The following P3H2 variants were observed in gnomAD, a reference collection of about 807,000 sequenced individuals.
P3H2 encodes the protein prolyl 3-hydroxylase 2, also known as leprecan-like 1.
A neutral mutation model predicts 87.0 loss-of-function variants in P3H2; 80 were observed. That is an observed-to-expected ratio of 0.92 (90% CI 0.77 to 1.11). The LOEUF (loss-of-function observed/expected upper bound fraction) is 1.11. Among genes scored for constraint, P3H2 ranks in the 50% least tolerant of loss-of-function variants. The probability of loss-of-function intolerance (pLI) is 0.00; values close to 1 mark genes in which losing one functional copy is unlikely to be tolerated. For missense variants in P3H2, 1,001 were observed against 923.9 expected (o/e 1.08, Z -1.08); for synonymous variants, 367 against 359.3 (o/e 1.02, Z -0.24).
intron 1 of P3H2, among the ~76,000 whole-genome samples, chr3:190,031,184 T>C (rs1725239743): frequency 6.6e-6 from 1 of 152,164 alleles, no homozygotes; most frequent in Non-Finnish European, 1.5e-5. Context: ...ATGCAGATAT[T>C]TCTAATTTAT....
intron 1 of P3H2, among the ~76,000 whole-genome samples, chr3:190,052,112 G>A (rs1019388514): frequency 1.6e-4 from 24 of 152,058 alleles, no homozygotes; most frequent in African/African-American, 5.6e-4. Context: ...TGGGATACAC[G>A]TGCAGAACGT....
chr3:190,059,189 C>T (rs1726259492), intron 1 of P3H2, among the ~76,000 whole-genome samples: 1 of 152,106 alleles, frequency 6.6e-6, no homozygotes, highest in Non-Finnish European at 1.5e-5. Context: ...CTCCTACTTC[C>T]CCCAACCTGT....
intron 13 of P3H2, chr3:189,969,781 T>C (rs1336831492): frequency 6.2e-7 from 1 of 1,607,380 alleles, no homozygotes; most frequent in Non-Finnish European, 8.5e-7. Flanking sequence ...CAGTTCTTCC[T>C]TCTAAAATTT....
intron 10 of P3H2, among the ~76,000 whole-genome samples, chr3:189,973,507 CTTTCTTTTTTTTTT>C (rs1282795630): frequency 1.1e-4 from 9 of 78,990 alleles, no homozygotes; most frequent in Non-Finnish European, 1.7e-4. Context: ...TTCTTTCTTT[CTTTCTTTTTTTTTT>C]TTTTTTTTTT....
intron 8 of P3H2, among the ~76,000 whole-genome samples, chr3:189,978,641 T>C (rs1723425552): frequency 6.6e-6 from 1 of 151,600 alleles, no homozygotes; most frequent in Admixed American, 6.6e-5. Context: ...ACAGATATTT[T>C]CCACACGTAC....
chr3:190,066,299 C>T (rs768736173), intron 1 of P3H2, among the ~76,000 whole-genome samples: 28 of 151,786 alleles, frequency 1.8e-4, no homozygotes, highest in Admixed American at 8.6e-4. Flanking sequence ...TGGAATACTA[C>T]TCAGCCATAA....
In P3H2 at chr3:190,081,082, A is replaced by G. The variant is rs138802007; in HGVS notation, c.480+39170T>C. 2.7e-3 allele frequency among the ~76,000 whole-genome samples: 410 copies of G among 152,352 alleles called. 1 individual carries two copies. The highest frequency in any genetic ancestry group is 3.9e-3 in the Non-Finnish European group (267 of 68,040). On this transcript the variant is annotated intron_variant, in intron 1 of 14. Coordinates refer to ENST00000319332, the MANE Select transcript of P3H2 (RefSeq NM_018192.4). The stretch of plus-strand genomic sequence containing the variant: ...TCTTTGTTAGTGTCTCCAACTGTAT[A>G]ATAGAAAAAGCAGAAGTATTCCTGT...
At position 189,957,831 on chromosome 3, in the gene P3H2, C is replaced by T. The variant is rs1046781494; in HGVS notation, c.*81G>A. The T allele has an allele frequency of 1.1e-6, 1 of 936,870 alleles. No homozygotes were observed. Among genetic ancestry groups the T allele is most frequent in the Non-Finnish European group, 1.7e-6 (1 of 584,260 alleles). The allele number at this position is 936,870 out of a possible 1,614,324, so 58.0% of individuals were successfully genotyped here. On this transcript the variant is annotated 3_prime_UTR_variant, in exon 15 of 15. Transcript: ENST00000319332. Reference sequence around the variant, plus strand: ...CTGACATTAACCTGTTAATTTATACCATGGCTCTGTACAAAAATAAAAAGG... The same window carrying T: ...CTGACATTAACCTGTTAATTTATACTATGGCTCTGTACAAAAATAAAAAGG...
intron 1 of P3H2, among the ~76,000 whole-genome samples, chr3:190,068,607 T>C (rs974421212): frequency 6.6e-6 from 1 of 152,198 alleles, no homozygotes; most frequent in Middle Eastern, 3.2e-3. Context: ...TAAATCTATG[T>C]AGGAGATTTG....
At chr3:189,973,837 T>C in intron 10 of P3H2, 72 bp downstream of exon 10, 1 of 1,192,110 alleles carries the variant, frequency 8.4e-7, no homozygotes, top group Non-Finnish European at 1.3e-6. Flanking sequence ...TTTTTCTTTC[T>C]TATATCTGCC....
intron 1 of P3H2, among the ~76,000 whole-genome samples, chr3:190,071,727 TTAGTA>T (rs768484469): frequency 6.8e-4 from 104 of 152,148 alleles, no homozygotes; most frequent in Admixed American, 2.0e-4. Flanking sequence ...ACATTTCTTT[TTAGTA>T]TCTAGGATTC....
At chr3:189,963,644 A>G in intron 14 of P3H2, 1 of 315,460 alleles carries the variant, frequency 3.2e-6, no homozygotes, top group Non-Finnish European at 6.1e-6. Context: ...GGGTTTCAGC[A>G]TGTTGATCAG....
intron 1 of P3H2, among the ~76,000 whole-genome samples, chr3:190,033,529 G>C (rs60585142): frequency 0.23 from 35,101 of 151,972 alleles, 6,792 homozygotes; most frequent in African/African-American, 0.54. Context: ...GAAAACTTAT[G>C]ATTTTTTTCT....
chr3:190,063,804 A>G (rs1462870345), intron 1 of P3H2, among the ~76,000 whole-genome samples: 2 of 152,192 alleles, frequency 1.3e-5, no homozygotes, highest in African/African-American at 2.4e-5. Context: ...GCAGAAAAAG[A>G]TGGGGAGCAG....
At chr3:190,101,275 C>T (rs748491059) in intron 1 of P3H2, among the ~76,000 whole-genome samples, 2 of 136,590 alleles carry the variant, frequency 1.5e-5, no homozygotes, top group Non-Finnish European at 3.1e-5. Context: ...AAATCAAAAA[C>T]TAAACATGAT....
At chr3:190,087,068 T>C (rs1245949150) in intron 1 of P3H2, among the ~76,000 whole-genome samples, 1 of 152,138 alleles carries the variant, frequency 6.6e-6, no homozygotes, top group African/African-American at 2.4e-5. Flanking sequence ...ACTTTGAAAA[T>C]CCAGCGAACT....
At chr3:189,984,482 CTA>C (rs1304773652) in intron 7 of P3H2, 66 bp downstream of exon 7, 1 of 1,138,724 alleles carries the variant, frequency 8.8e-7, no homozygotes, top group Non-Finnish European at 1.3e-6. Flanking sequence ...CTACATTTCT[CTA>C]TGATAGGTTA....
intron 13 of P3H2, among the ~76,000 whole-genome samples, chr3:189,968,227 C>G (rs957771037): frequency 3.3e-5 from 5 of 152,136 alleles, no homozygotes; most frequent in Non-Finnish European, 7.4e-5. Flanking sequence ...AAACCATTAT[C>G]TACATTAAGT....
chr3:190,061,962 C>T, intron 1 of P3H2, among the ~76,000 whole-genome samples: 1 of 152,006 alleles, frequency 6.6e-6, no homozygotes, highest in East Asian at 1.9e-4. Flanking sequence ...ATATAAAATG[C>T]CTGGCATATA....
Sources: allele counts gnomAD v4.1 joint callset (sites outside exome capture counted in the v4.1 genomes callset), GRCh38; gene constraint gnomAD v4.1.1; transcripts MANE v1.5; gene names NCBI Gene and HGNC (gene_info 2026-07-23, HGNC 2026-07-21).